BBX: variants seen among roughly 807,000 people sequenced by gnomAD.
BBX encodes HMG box transcription factor BBX.
In BBX, 30 loss-of-function variants were observed where a neutral mutation model predicts 100.2. That is an observed-to-expected ratio of 0.30 (90% CI 0.22 to 0.41). The LOEUF is 0.41. Among genes scored for constraint, BBX ranks in the 10% least tolerant of loss-of-function variants. The pLI is 1.00. For missense variants in BBX, 1,023 were observed against 1,129.8 expected, an observed-to-expected ratio of 0.91 and a Z score of 1.35; for synonymous variants, 376 against 388.1, an observed-to-expected ratio of 0.97 and a Z score of 0.37.
chr3:107,753,333 T>C (rs2065218908), intron 9 of BBX, among the ~76,000 whole-genome samples: 1 of 152,116 alleles, frequency 6.6e-6, no homozygotes, highest in African/African-American at 2.4e-5. Context: ...CACTAAGTAA[T>C]GCCATAAAAA....
intron 2 of BBX, among the ~76,000 whole-genome samples, chr3:107,630,247 G>A (rs1402943169): frequency 2.6e-5 from 4 of 152,128 alleles, no homozygotes; most frequent in African/African-American, 4.8e-5. Context: ...AGTGTCTCCT[G>A]TGATTGTGTT....
chr3:107,785,471 T>C lies in BBX; in HGVS notation c.2204-4316T>C, dbSNP rs530054286. On this transcript the variant is annotated intron_variant, in intron 13 of 17. Transcript: ENST00000325805. ...TACCAAATTCAGCAACATATGAGAA[T>C]TATACATCATGACTAAATGGGATTT... Among the ~76,000 whole-genome samples, 9 of 152,108 alleles carry C rather than the reference T, an allele frequency of 5.9e-5. No homozygotes were observed. The East Asian group carries it at 1.7e-3, about 29-fold the overall frequency.
At chr3:107,532,153 C>T (rs1250206298) in intron 2 of BBX, among the ~76,000 whole-genome samples, 1 of 151,818 alleles carries the variant, frequency 6.6e-6, no homozygotes. Flanking sequence ...ATGATCGTGT[C>T]ACCGCACTCC....
In BBX at chr3:107,539,557, G is replaced by A. The variant is rs140502723; in HGVS notation, c.-84+13159G>A. ...CTGGGCCAAACAACTCACCCCAAAT[G>A]TGTGATTATCCAAGTCAATGACCTT... On this transcript the variant is annotated intron_variant, in intron 2 of 17. Transcript: ENST00000325805. Among the ~76,000 whole-genome samples the A allele has an allele frequency of 4.3e-4, 65 of 152,216 alleles. 1 individual carries two copies. The East Asian group carries it at 0.011, about 26-fold the overall frequency.
chr3:107,714,400 A>T (rs1018221767), intron 4 of BBX, among the ~76,000 whole-genome samples: 1 of 149,008 alleles, frequency 6.7e-6, no homozygotes, highest in African/African-American at 2.4e-5. Context: ...TTTTAAATTT[A>T]TGTTTATATG....
At chr3:107,630,473 C>A (rs1364738626) in intron 2 of BBX, among the ~76,000 whole-genome samples, 1 of 152,118 alleles carries the variant, frequency 6.6e-6, no homozygotes, top group African/African-American at 2.4e-5. Flanking sequence ...TTTGGACTTA[C>A]ATTTCTGGGG....
chr3:107,768,185 T>A (rs565969170), intron 10 of BBX, among the ~76,000 whole-genome samples: 128 of 152,324 alleles, frequency 8.4e-4, no homozygotes, highest in African/African-American at 2.9e-3. Flanking sequence ...GCTGCTAGTT[T>A]TGCTTTAGGT....
chr3:107,636,135 G>A (rs973717450), intron 2 of BBX, among the ~76,000 whole-genome samples: 4 of 152,170 alleles, frequency 2.6e-5, no homozygotes, highest in Non-Finnish European at 4.4e-5. Context: ...TTCAGGTTTC[G>A]TACCCATTCA....
At position 107,653,333 on chromosome 3, in the gene BBX, G is replaced by A. The variant is rs936548220; in HGVS notation, c.-10+7424G>A. ...CAAGTGCTTTTCCAACACTTCATCA[G>A]CGACCCTGTGAGTGGAGTACATGTG... On this transcript the variant is annotated intron_variant, in intron 3 of 17. Coordinates refer to ENST00000325805, the MANE Select transcript of BBX (RefSeq NM_001142568.3). Among the ~76,000 whole-genome samples, 9 of 152,306 alleles carry A rather than the reference G, an allele frequency of 5.9e-5. No homozygotes were observed. The East Asian group carries it at 1.7e-3, about 29-fold the overall frequency.
intron 8 of BBX, 102 bp downstream of exon 8, chr3:107,744,812 C>T (rs1260290908): frequency 1.5e-5 from 14 of 937,040 alleles, no homozygotes; most frequent in African/African-American, 3.3e-5. Context: ...CTCTACTCAG[C>T]TCAACCATAA....
intron 3 of BBX, among the ~76,000 whole-genome samples, chr3:107,678,905 T>G (rs1337282893): frequency 1.3e-5 from 2 of 152,148 alleles, no homozygotes; most frequent in African/African-American, 4.8e-5. Flanking sequence ...AAATAGATAC[T>G]GTTATTATCC....
intron 3 of BBX, among the ~76,000 whole-genome samples, chr3:107,709,949 G>A (rs1324867904): frequency 6.6e-6 from 1 of 152,210 alleles, no homozygotes; most frequent in Non-Finnish European, 1.5e-5. Flanking sequence ...AATATTGTAA[G>A]CACAGATTTA....
At position 107,577,215 on chromosome 3, in the gene BBX, G is replaced by T. The variant is rs544433939; in HGVS notation, c.-84+50817G>T. Among the ~76,000 whole-genome samples the T allele has an allele frequency of 4.6e-5, 7 of 152,218 alleles. No homozygotes were observed. In the East Asian group the frequency reaches 1.4e-3, roughly 29 times the overall value. ...TAAAGCACATAAAATTTGTTGCCAT[G>T]AATCTCATTATTAAAACACTGAAAT... On this transcript the variant is annotated intron_variant, in intron 2 of 17. Transcript: ENST00000325805.
At chr3:107,776,400 A>T (rs1023688407) in intron 12 of BBX, 3 of 152,204 alleles carry the variant, frequency 2.0e-5, no homozygotes, top group Admixed American at 6.6e-5. Context: ...AGGAAGGCAC[A>T]TGTGTATAAC....
At chr3:107,556,366 A>AT (rs1362083446) in intron 2 of BBX, among the ~76,000 whole-genome samples, 2 of 152,080 alleles carry the variant, frequency 1.3e-5, no homozygotes, top group African/African-American at 4.8e-5. Flanking sequence ...TGTTTATTTA[A>AT]TTTTTTTTGA....
intron 2 of BBX, among the ~76,000 whole-genome samples, chr3:107,553,823 C>A (rs1306021905): frequency 1.3e-5 from 2 of 152,000 alleles, no homozygotes; most frequent in Non-Finnish European, 2.9e-5. Flanking sequence ...TTTATTAATT[C>A]TTTAATTTAT....
At chr3:107,700,755 AAGG>A (rs1288242440) in intron 3 of BBX, among the ~76,000 whole-genome samples, 1 of 151,738 alleles carries the variant, frequency 6.6e-6, no homozygotes, top group African/African-American at 2.4e-5. Context: ...CGTCCCTACA[AAGG>A]ACATGAACTC....
intron 2 of BBX, among the ~76,000 whole-genome samples, chr3:107,533,518 G>A (rs907435364): frequency 1.3e-5 from 2 of 152,184 alleles, no homozygotes; most frequent in African/African-American, 2.4e-5. Flanking sequence ...GGTAGTCATT[G>A]ACATCATTTG....
chr3:107,725,787 A>G (rs183331391), intron 5 of BBX, among the ~76,000 whole-genome samples: 26 of 151,910 alleles, frequency 1.7e-4, no homozygotes, highest in South Asian at 8.3e-4. Context: ...CTATGTGTCT[A>G]CTGCAAAGTA....
Sources: allele counts gnomAD v4.1 joint callset (sites outside exome capture counted in the v4.1 genomes callset), GRCh38; gene constraint gnomAD v4.1.1; transcripts MANE v1.5; gene names NCBI Gene and HGNC (gene_info 2026-07-23, HGNC 2026-07-21).